UBAP2: variants seen among roughly 807,000 people sequenced by gnomAD.
UBAP2 encodes ubiquitin-associated protein 2.
A neutral mutation model predicts 139.6 loss-of-function variants in UBAP2; 75 were observed. That is an observed-to-expected ratio of 0.54 (90% CI 0.45 to 0.65). The LOEUF is 0.65. Ranked by LOEUF, UBAP2 falls within the 30% of genes least tolerant of loss-of-function variation. The probability of loss-of-function intolerance (pLI) is 0.00; values close to 1 mark genes in which losing one functional copy is unlikely to be tolerated. For missense variants in UBAP2, 1,368 were observed against 1,369.6 expected (o/e 1.00, Z 0.02); for synonymous variants, 526 against 526.2 (o/e 1.00, Z 0.01).
intron 2 of UBAP2, among the ~76,000 whole-genome samples, 158 bp from the exon 3 acceptor site, chr9:33,999,022 T>A (rs1822445404): frequency 6.6e-6 from 1 of 152,174 alleles, no homozygotes; most frequent in South Asian, 2.1e-4. Flanking sequence ...ATATAACCTG[T>A]TCCCATAGGA....
intron 19 of UBAP2, among the ~76,000 whole-genome samples, chr9:33,930,026 TAAATA>T (rs1421576802): frequency 1.3e-5 from 2 of 151,280 alleles, no homozygotes; most frequent in African/African-American, 4.9e-5. Flanking sequence ...AAGAAATAAA[TAAATA>T]AAATAAAAAT....
chr9:33,935,160 T>TGGGG (rs1824349629), intron 17 of UBAP2, among the ~76,000 whole-genome samples: 1 of 19,606 alleles, frequency 5.1e-5, no homozygotes, highest in African/African-American at 1.0e-4. Context: ...CTGTTGGAAG[T>TGGGG]GGCGGGGGGG....
At chr9:34,039,213 A>G (rs1826797870) in intron 1 of UBAP2, among the ~76,000 whole-genome samples, 1 of 146,634 alleles carries the variant, frequency 6.8e-6, no homozygotes, top group Non-Finnish European at 1.5e-5. Flanking sequence ...CCGCCCGGCC[A>G]GCCGCCCCGT....
At chr9:33,970,417 T>C (rs1212214544) in intron 8 of UBAP2, among the ~76,000 whole-genome samples, 3 of 151,992 alleles carry the variant, frequency 2.0e-5, no homozygotes, top group Admixed American at 2.0e-4. Context: ...GTTGATGTTA[T>C]ATGGATGTTT....
chr9:33,996,305 T>C lies in UBAP2; in HGVS notation c.206A>G (p.Asp69Gly), dbSNP rs772355727. The change falls in exon 4 of 29, where the codon GAT becomes GGT. Residue 69 changes from aspartate to glycine, a missense_variant. By Grantham distance (94) the Asp-to-Gly change is moderately conservative. Coordinates refer to ENST00000379238, the MANE Select transcript of UBAP2 (RefSeq NM_001370062.2). Reference sequence around the variant, plus strand: ...ATCATGTAGGGCCACTATGCATTCATCCTGATTTTTCCCTGTCACTTCCAT... The same window carrying C: ...ATCATGTAGGGCCACTATGCATTCACCCTGATTTTTCCCTGTCACTTCCAT... ...QLMEVTGKNQ[D>G]ECIVALHDCN... 21 of 1,613,660 alleles carry C rather than the reference T, an allele frequency of 1.3e-5. No individual in the cohort carries two copies. The highest frequency in any genetic ancestry group is 1.6e-5 in the Non-Finnish European group (19 of 1,179,956).
At chr9:33,928,106 T>A in intron 19 of UBAP2, 114 bp from the exon 20 acceptor site, 4 of 1,122,444 alleles carry the variant, frequency 3.6e-6, no homozygotes, top group Non-Finnish European at 5.0e-6. Flanking sequence ...CAGGCAATGA[T>A]GTAACCACCC....
intron 16 of UBAP2, among the ~76,000 whole-genome samples, chr9:33,936,355 C>T (rs1174732105): frequency 6.6e-6 from 1 of 151,962 alleles, no homozygotes; most frequent in Non-Finnish European, 1.5e-5. Context: ...AGTGCAATGG[C>T]GCATCTTAGA....
intron 6 of UBAP2, among the ~76,000 whole-genome samples, chr9:33,978,196 A>G (rs1820322583): frequency 6.6e-6 from 1 of 151,988 alleles, no homozygotes; most frequent in South Asian, 2.1e-4. Context: ...ATGTGGAACA[A>G]GGACTCAGCA....
chr9:33,948,233 A>AT (rs1358053405), intron 13 of UBAP2, 141 bp downstream of exon 13: 4 of 662,890 alleles, frequency 6.0e-6, no homozygotes, highest in Non-Finnish European at 9.5e-6. Context: ...AGGAAGACTG[A>AT]TTTAACTGAG....
chr9:34,029,290 G>A (rs944763145), intron 1 of UBAP2, among the ~76,000 whole-genome samples: 16 of 152,180 alleles, frequency 1.1e-4, no homozygotes, highest in Non-Finnish European at 2.9e-5. Context: ...ACTTTGGGAG[G>A]CTGAGGAGGG....
At chr9:33,935,962 T>C in intron 16 of UBAP2, 84 bp from the exon 17 acceptor site, 1 of 1,238,848 alleles carries the variant, frequency 8.1e-7, no homozygotes, top group Non-Finnish European at 1.1e-6. Context: ...CTACAACATG[T>C]AGCTTAATCA....
At chr9:33,934,836 G>C (rs1274801579) in intron 17 of UBAP2, among the ~76,000 whole-genome samples, 1 of 152,174 alleles carries the variant, frequency 6.6e-6, no homozygotes, top group Non-Finnish European at 1.5e-5. Flanking sequence ...AAGTTCCTCT[G>C]TCATCCAACA....
At position 34,046,588 on chromosome 9, in the gene UBAP2, G is replaced by A. The variant is rs1228779369; in HGVS notation, c.-42+2237C>T. 2.8e-5 allele frequency among the ~76,000 whole-genome samples: 4 copies of A among 145,150 alleles called. No homozygotes were observed. In the East Asian group the frequency reaches 6.0e-4, roughly 22 times the overall value. Reference sequence around the variant, plus strand: ...GAACCCGGGAGGCGGAGCTTGCAGTGAGCCGAGATCAGGCCACTGCACTCC... The same window carrying A: ...GAACCCGGGAGGCGGAGCTTGCAGTAAGCCGAGATCAGGCCACTGCACTCC... On this transcript the variant is annotated intron_variant, in intron 1 of 28. Coordinates refer to ENST00000379238, the MANE Select transcript of UBAP2 (RefSeq NM_001370062.2).
intron 1 of UBAP2, among the ~76,000 whole-genome samples, chr9:34,036,772 A>C (rs918486835): frequency 1.3e-5 from 2 of 151,914 alleles, no homozygotes; most frequent in African/African-American, 4.8e-5. Flanking sequence ...GCATTCACAG[A>C]AATAACAGAG....
intron 13 of UBAP2, among the ~76,000 whole-genome samples, chr9:33,946,877 T>C (rs969964377): frequency 6.6e-6 from 1 of 152,158 alleles, no homozygotes; most frequent in East Asian, 1.9e-4. Context: ...AAAGTTAATA[T>C]AGGGACCTAC....
intron 1 of UBAP2, among the ~76,000 whole-genome samples, chr9:34,036,347 C>T (rs529232738): frequency 7.1e-4 from 108 of 152,140 alleles, no homozygotes; most frequent in Admixed American, 1.2e-3. Context: ...AAACTCCCGA[C>T]CTCAGGTGAT....
At chr9:33,951,922 T>C (rs1472196081) in intron 12 of UBAP2, among the ~76,000 whole-genome samples, 1 of 152,112 alleles carries the variant, frequency 6.6e-6, no homozygotes, top group Non-Finnish European at 1.5e-5. Flanking sequence ...AATCAGGGTT[T>C]TTATTAGGCC....
chr9:33,924,902 AT>A (rs1823286583), intron 22 of UBAP2, among the ~76,000 whole-genome samples: 1 of 152,134 alleles, frequency 6.6e-6, no homozygotes, highest in African/African-American at 2.4e-5. Flanking sequence ...TTTGTTTGCA[AT>A]TTTTTTAAGC....
intron 1 of UBAP2, among the ~76,000 whole-genome samples, chr9:34,037,997 C>CAA (rs72361484): frequency 2.9e-4 from 25 of 87,346 alleles, no homozygotes; most frequent in Non-Finnish European, 2.9e-4. Flanking sequence ...CCTGTCTCTA[C>CAA]AAAAAAAAAA....
Sources: gnomAD v4.1 joint callset for allele counts (sites outside exome capture counted in the v4.1 genomes callset) on GRCh38, gnomAD v4.1.1 for gene constraint, MANE v1.5 for transcripts, NCBI Gene and HGNC (gene_info 2026-07-23, HGNC 2026-07-21) for gene names.